ABCB5: variants seen among roughly 807,000 people sequenced by gnomAD.
The protein encoded by ABCB5 is ATP-binding cassette sub-family B member 5.
In ABCB5, 155 loss-of-function variants were observed where a neutral mutation model predicts 144.2. That is an observed-to-expected ratio of 1.08 (90% CI 0.94 to 1.23). The LOEUF (loss-of-function observed/expected upper bound fraction) is 1.23. Among genes scored for constraint, ABCB5 ranks in the 50% most tolerant of loss-of-function variants. The pLI is 0.00. For missense variants in ABCB5, 1,830 were observed against 1,520.8 expected (o/e 1.20, Z -3.38); for synonymous variants, 610 against 528.6 (o/e 1.15, Z -2.11).
At chr7:20,633,375 G>A (rs13247791) in intron 5 of ABCB5, among the ~76,000 whole-genome samples, 13,147 of 152,048 alleles carry the variant, frequency 0.086, 621 homozygotes, top group East Asian at 0.15. Context: ...AAACCTAAGT[G>A]ATTCCTATTC....
intron 17 of ABCB5, 133 bp downstream of exon 17, chr7:20,698,683 T>C (rs1334270995): frequency 2.7e-6 from 2 of 746,008 alleles, no homozygotes; most frequent in Non-Finnish European, 4.0e-6. Flanking sequence ...GTGGAGTCCG[T>C]GATAGGAAGG....
chr7:20,658,327 C>CCT (rs1554281603), intron 13 of ABCB5, among the ~76,000 whole-genome samples, 179 bp from the exon 14 acceptor site: 24 of 140,676 alleles, frequency 1.7e-4, no homozygotes, highest in Non-Finnish European at 3.5e-4. Flanking sequence ...TCTTTGGGCT[C>CCT]TTTTTTTTTT....
chr7:20,687,782 G>T (rs1786050286), intron 16 of ABCB5, among the ~76,000 whole-genome samples: 1 of 152,194 alleles, frequency 6.6e-6, no homozygotes, highest in African/African-American at 2.4e-5. Context: ...CTACAAGAGA[G>T]GTTAAGGTAG....
chr7:20,620,165 G>A (rs1323821178), intron 1 of ABCB5, among the ~76,000 whole-genome samples: 1 of 152,032 alleles, frequency 6.6e-6, no homozygotes, highest in East Asian at 1.9e-4. Context: ...ATATCAGAAA[G>A]GACAGTCTAT....
chr7:20,689,949 G>T (rs1786157799), intron 16 of ABCB5, among the ~76,000 whole-genome samples: 1 of 152,194 alleles, frequency 6.6e-6, no homozygotes, highest in African/African-American at 2.4e-5. Flanking sequence ...ACAGGGGTAG[G>T]CAGAGAGGCG....
rs57305244 is a variant in ABCB5, at chr7:20,731,369, A to AAAT, written c.2867+2915_2867+2916insATA. Among the ~76,000 whole-genome samples the AAAT allele has an allele frequency of 2.5e-3, 310 of 123,064 alleles. 4 individuals are homozygous for AAAT. Among genetic ancestry groups the AAAT allele is most frequent in the Non-Finnish European group, 3.0e-3 (185 of 61,856 alleles). The allele number at this position is 123,064 out of a possible 152,430, so 80.7% of individuals were successfully genotyped here. On this transcript the variant is annotated intron_variant, in intron 23 of 27. Transcript: ENST00000404938. ...CTCCAACTCAGGAAAAAAAAAAAAA[A>AAAT]ATATATATATATATATACATATAAA...
Position 20,727,506 on chromosome 7 carries a change from G to T in ABCB5, c.2726+366G>T, listed in dbSNP as rs1782073520. Among the ~76,000 whole-genome samples the T allele has an allele frequency of 2.6e-5, 4 of 152,160 alleles. No individual in the cohort carries two copies. The South Asian group carries it at 8.3e-4, about 32-fold the overall frequency. Reference sequence around the variant, plus strand: ...TCCCAGCACTTTGGGAGGCTGAGGTGGGCGGATCACTTAAGGTCAACAGTT... The same window carrying T: ...TCCCAGCACTTTGGGAGGCTGAGGTTGGCGGATCACTTAAGGTCAACAGTT... On this transcript the variant is annotated intron_variant, in intron 22 of 27. Coordinates refer to ENST00000404938, the MANE Select transcript of ABCB5 (RefSeq NM_001163941.2).
At chr7:20,622,783 A>G (rs191699142) in intron 1 of ABCB5, among the ~76,000 whole-genome samples, 1 of 152,190 alleles carries the variant, frequency 6.6e-6, no homozygotes, top group East Asian at 1.9e-4. Flanking sequence ...GTAACTGTTA[A>G]TCCAGTTTGT....
At chr7:20,751,027 T>C (rs1231326164) in intron 26 of ABCB5, among the ~76,000 whole-genome samples, 1 of 152,112 alleles carries the variant, frequency 6.6e-6, no homozygotes, top group African/African-American at 2.4e-5. Flanking sequence ...GTAACCACCC[T>C]GAAAATCCAA....
At chr7:20,703,809 G>A (rs930320713) in intron 19 of ABCB5, among the ~76,000 whole-genome samples, 5 of 152,088 alleles carry the variant, frequency 3.3e-5, no homozygotes, top group African/African-American at 9.7e-5. Context: ...AATAAAATTG[G>A]TTATTACATT....
In ABCB5 at chr7:20,714,274, A is replaced by G. The variant is rs1268627649; in HGVS notation, c.2422-8742A>G. ...AAGTGATATCCCCCACATCTAGCGTAGTACCTAAGACATAGTAGACACTCC... is the reference window on the plus strand; with the variant it reads ...AAGTGATATCCCCCACATCTAGCGTGGTACCTAAGACATAGTAGACACTCC... On this transcript the variant is annotated intron_variant, in intron 20 of 27. Coordinates refer to ENST00000404938, the MANE Select transcript of ABCB5 (RefSeq NM_001163941.2). Among the ~76,000 whole-genome samples the G allele has an allele frequency of 2.6e-5, 4 of 152,280 alleles. No individual in the cohort carries two copies. The East Asian group carries it at 5.8e-4, about 22-fold the overall frequency.
chr7:20,694,032 A>T (rs1357133520), intron 16 of ABCB5, among the ~76,000 whole-genome samples: 1 of 151,334 alleles, frequency 6.6e-6, no homozygotes, highest in African/African-American at 2.4e-5. Context: ...CTAAAAAAAA[A>T]AACAAAAAAA....
chr7:20,721,692 T>A (rs1304214736), intron 20 of ABCB5, among the ~76,000 whole-genome samples: 1 of 152,224 alleles, frequency 6.6e-6, no homozygotes, highest in African/African-American at 2.4e-5. Flanking sequence ...TAGAAAGAGA[T>A]AATTTGTGTG....
In ABCB5 at chr7:20,756,844, T is replaced by C. The variant is rs987488687; in HGVS notation, c.*1220T>C. The C allele has an allele frequency of 2.0e-5, 3 of 152,348 alleles. No homozygotes were observed. The highest frequency in any genetic ancestry group is 2.9e-5 in the Non-Finnish European group (2 of 68,038). The allele number at this position is 152,348 out of a possible 1,614,324, so 9.4% of individuals were successfully genotyped here. On this transcript the variant is annotated 3_prime_UTR_variant, in exon 28 of 28. Coordinates refer to ENST00000404938, the MANE Select transcript of ABCB5 (RefSeq NM_001163941.2). ...TTAAATATGTAATGTCACCTGGTGATTTTATCTTTATTCTTCAGTGTATTT... is the reference window on the plus strand; with the variant it reads ...TTAAATATGTAATGTCACCTGGTGACTTTATCTTTATTCTTCAGTGTATTT...
At chr7:20,724,834 G>C (rs1398887819) in intron 21 of ABCB5, among the ~76,000 whole-genome samples, 1 of 151,906 alleles carries the variant, frequency 6.6e-6, no homozygotes, top group African/African-American at 2.4e-5. Context: ...CTGTAATCTC[G>C]TTTGCCTGAG....
At chr7:20,629,142 C>CTGTGTGTGTGTGTGTGTG (rs1486662796) in intron 4 of ABCB5, among the ~76,000 whole-genome samples, 1 of 41,694 alleles carries the variant, frequency 2.4e-5, no homozygotes, top group Non-Finnish European at 5.4e-5. Flanking sequence ...GAGAGAGAGA[C>CTGTGTGTGTGTGTGTGTG]TGCGTGTGTG....
intron 13 of ABCB5, among the ~76,000 whole-genome samples, chr7:20,655,332 G>T (rs1184276777): frequency 5.9e-5 from 9 of 152,056 alleles, no homozygotes; most frequent in Admixed American, 4.6e-4. Flanking sequence ...AATTAGCTGG[G>T]TGTGGTGGTG....
chr7:20,703,517 A>G (rs1387326187), intron 19 of ABCB5, among the ~76,000 whole-genome samples: 1 of 152,196 alleles, frequency 6.6e-6, no homozygotes, highest in Non-Finnish European at 1.5e-5. Context: ...CATCTAACAT[A>G]TGATGTGCGT....
chr7:20,734,558 G>A (rs1034510057), intron 23 of ABCB5, among the ~76,000 whole-genome samples: 3 of 151,454 alleles, frequency 2.0e-5, no homozygotes, highest in Non-Finnish European at 2.9e-5. Context: ...TCTCAGAAAG[G>A]GAGATACACA....
Sources: allele counts gnomAD v4.1 joint callset (sites outside exome capture counted in the v4.1 genomes callset), GRCh38; gene constraint gnomAD v4.1.1; transcripts MANE v1.5; gene names NCBI Gene and HGNC (gene_info 2026-07-23, HGNC 2026-07-21).